ATP7B: variants seen among roughly 807,000 people sequenced by gnomAD.
The protein encoded by ATP7B is ATPase copper transporting beta, also known as copper-transporting ATPase 2.
ATP7B carries 113 observed loss-of-function variants against 118.9 expected under a neutral mutation model. That is an observed-to-expected ratio of 0.95 (90% CI 0.82 to 1.11). The LOEUF (loss-of-function observed/expected upper bound fraction) is 1.11. ATP7B is among the 50% of genes most tolerant of loss of function. The probability of loss-of-function intolerance (pLI) is 0.00; values close to 1 mark genes in which losing one functional copy is unlikely to be tolerated. For missense variants in ATP7B, 1,867 were observed against 1,871.4 expected (o/e 1.00, Z 0.04); for synonymous variants, 777 against 727.4 (o/e 1.07, Z -1.10).
At chr13:51,960,382 G>T (rs1347305599) in intron 6 of ATP7B, 60 bp from the exon 7 acceptor site, 3 of 1,577,432 alleles carry the variant, frequency 1.9e-6, no homozygotes, top group Non-Finnish European at 8.6e-7. Flanking sequence ...TGGATTACAA[G>T]CCACTCCCCT....
intron 3 of ATP7B, 92 bp from the exon 4 acceptor site, chr13:51,968,699 C>T: frequency 1.4e-6 from 2 of 1,459,244 alleles, no homozygotes; most frequent in Non-Finnish European, 1.9e-6. Context: ...AACACATCTT[C>T]CCAGAATCCT....
At chr13:51,961,046 G>A (rs1446750497) in intron 6 of ATP7B, among the ~76,000 whole-genome samples, 1 of 151,932 alleles carries the variant, frequency 6.6e-6, no homozygotes, top group Non-Finnish European at 1.5e-5. Flanking sequence ...CTCCTCCTGT[G>A]CCCCAGGCAT....
chr13:51,980,099 C>G (rs1237255226), intron 1 of ATP7B, among the ~76,000 whole-genome samples: 4 of 152,170 alleles, frequency 2.6e-5, no homozygotes, highest in Admixed American at 2.6e-4. Flanking sequence ...GGGGAAAAAA[C>G]TCTCCTGATG....
Position 51,974,994 on chromosome 13 carries a change from T to C in ATP7B, c.226A>G (p.Ile76Val), listed in dbSNP as rs200642204. The C allele has an allele frequency of 2.8e-4, 455 of 1,614,086 alleles. No homozygotes were observed. Among genetic ancestry groups the C allele is most frequent in the Non-Finnish European group, 3.7e-4 (438 of 1,180,040 alleles). ...GMTCQSCVKS[I>V]EDRISNLKGI... ...TTCAAATTGGAAATCCTGTCCTCAA[T>C]GGACTTCACACATGACTGGCAAGTC... Residue 76 changes from isoleucine (I) to valine (V), a missense_variant, in exon 2 of 21, where the codon ATT (isoleucine) becomes GTT (valine). Ile to Val is a conservative substitution (Grantham distance 29, BLOSUM62 3). Coordinates refer to ENST00000242839, the MANE Select transcript of ATP7B (RefSeq NM_000053.4).
intron 1 of ATP7B, among the ~76,000 whole-genome samples, chr13:51,981,968 A>G (rs1215039481): frequency 6.6e-6 from 1 of 151,564 alleles, no homozygotes; most frequent in East Asian, 1.9e-4. Flanking sequence ...AAATTTGTAA[A>G]CTTTCTTAAA....
At position 51,950,147 on chromosome 13, in the gene ATP7B, CT is replaced by C. The variant is rs2139212032; in HGVS notation, c.2589del (p.Val864SerfsTer9). ...ACAGTGCTTCCGGGTTTCTTAGTGA[CT>C]GGCATGGCTTCTCCTAGACGTAGGA... is the stretch of plus-strand genomic sequence containing the variant. Reference protein sequence around the residue: ...DESLITGEAMPVTKKPGSTVI... With the variant: ...DESLITGEAMXVTKKPGSTVI... On this transcript the variant is annotated frameshift_variant, in exon 11 of 21. Transcript: ENST00000242839. LOFTEE classifies it high-confidence loss of function. 6.2e-7 allele frequency: 1 copy of C among 1,614,202 alleles called. No homozygotes were observed. Among genetic ancestry groups the C allele is most frequent in the Non-Finnish European group, 8.5e-7 (1 of 1,180,042 alleles).
intron 2 of ATP7B, among the ~76,000 whole-genome samples, chr13:51,973,661 T>C (rs956276459): frequency 1.2e-4 from 19 of 152,222 alleles, no homozygotes; most frequent in Non-Finnish European, 4.4e-5. Context: ...ATTCCATATC[T>C]TTATAAATTA....
intron 1 of ATP7B, among the ~76,000 whole-genome samples, chr13:51,975,856 G>A (rs552861878): frequency 1.9e-4 from 29 of 152,334 alleles, no homozygotes; most frequent in African/African-American, 6.5e-4. Context: ...GCCGAGGGGC[G>A]GGAGGGGAAA....
At chr13:51,975,233 T>C in intron 1 of ATP7B, 65 bp from the exon 2 acceptor site, 1 of 1,578,310 alleles carries the variant, frequency 6.3e-7, no homozygotes, top group Admixed American at 1.7e-5. Context: ...CATCCCAGCT[T>C]CTCTGGCACT....
intron 15 of ATP7B, 136 bp downstream of exon 15, chr13:51,942,250 T>C (rs927609395): frequency 7.5e-6 from 10 of 1,333,400 alleles, no homozygotes; most frequent in Non-Finnish European, 1.1e-5. Flanking sequence ...TTCCTGGGTG[T>C]GGGGAGGCAG....
chr13:51,964,449 C>T (rs1043024222), intron 5 of ATP7B, among the ~76,000 whole-genome samples: 4 of 152,204 alleles, frequency 2.6e-5, no homozygotes, highest in Admixed American at 2.0e-4. Flanking sequence ...AAGCTCTCCA[C>T]AACAAGAGTG....
chr13:51,935,659 C>T lies in ATP7B; in HGVS notation c.4058G>A (p.Trp1353Ter), dbSNP rs193922110. The T allele has an allele frequency of 2.3e-5, 37 of 1,613,566 alleles. No individual in the cohort carries two copies. The highest frequency in any genetic ancestry group is 2.6e-5 in the Non-Finnish European group (31 of 1,179,914). Residue 1353 changes from tryptophan to a stop codon, truncating the protein, a stop_gained, in exon 20 of 21, where the codon TGG (tryptophan) becomes TAG (stop). Coordinates refer to ENST00000242839, the MANE Select transcript of ATP7B (RefSeq NM_000053.4). LOFTEE classifies it high-confidence loss of function. ...GGCTGCCATGGCCGCTGAGCCCATC[C>T]AGGGCTGCAGCACAATGCCGATGGG... ...FMPIGIVLQP[W>*]MGSAAMAASS... is the part of the protein sequence containing the mutation.
intron 2 of ATP7B, among the ~76,000 whole-genome samples, chr13:51,973,532 G>A (rs1052479971): frequency 1.6e-4 from 25 of 152,182 alleles, no homozygotes; most frequent in African/African-American, 4.8e-4. Context: ...AAGCAACCAC[G>A]TGAGCATGCT....
chr13:52,000,543 T>C (rs1480038640), intron 1 of ATP7B, among the ~76,000 whole-genome samples: 1 of 152,186 alleles, frequency 6.6e-6, no homozygotes, highest in Non-Finnish European at 1.5e-5. Context: ...ACTCTATACT[T>C]ACAGACCCAA....
chr13:52,008,213 G>A (rs1230135978), intron 1 of ATP7B, among the ~76,000 whole-genome samples: 9 of 152,116 alleles, frequency 5.9e-5, no homozygotes, highest in African/African-American at 1.4e-4. Context: ...GGTGGCGTGC[G>A]CCTGTAATCC....
intron 1 of ATP7B, among the ~76,000 whole-genome samples, chr13:51,992,847 A>G (rs1952981738): frequency 6.6e-6 from 1 of 151,724 alleles, no homozygotes. Context: ...GTATGGTGTC[A>G]GGTGCCTGTA....
intron 1 of ATP7B, among the ~76,000 whole-genome samples, chr13:51,987,411 G>C (rs1172037692): frequency 6.6e-6 from 1 of 152,190 alleles, no homozygotes; most frequent in Admixed American, 6.5e-5. Flanking sequence ...GGAAATAAGA[G>C]AGGACACAAA....
chr13:51,992,434 C>T (rs1442514028), intron 1 of ATP7B, among the ~76,000 whole-genome samples: 1 of 152,142 alleles, frequency 6.6e-6, no homozygotes, highest in Non-Finnish European at 1.5e-5. Flanking sequence ...TAAAGGTGGA[C>T]TGATGATACC....
At chr13:51,956,041 C>T (rs1341200883) in intron 9 of ATP7B, among the ~76,000 whole-genome samples, 1 of 152,224 alleles carries the variant, frequency 6.6e-6, no homozygotes, top group African/African-American at 2.4e-5. Context: ...CCTCACGGAA[C>T]AGCTACAGAG....
Sources: allele counts gnomAD v4.1 joint callset (sites outside exome capture counted in the v4.1 genomes callset), GRCh38; gene constraint gnomAD v4.1.1; transcripts MANE v1.5; gene names NCBI Gene and HGNC (gene_info 2026-07-23, HGNC 2026-07-21).